Variants in ADAMTSL1 observed in about 807,000 individuals in gnomAD.
ADAMTSL1 encodes the protein ADAMTS like 1.
A neutral mutation model predicts 201.8 loss-of-function variants in ADAMTSL1; 126 were observed. The observed-to-expected ratio is 0.62, with a 90% CI of 0.54 to 0.72. The LOEUF is 0.72. Among genes scored for constraint, ADAMTSL1 ranks in the 30% least tolerant of loss-of-function variants. The probability of loss-of-function intolerance (pLI) is 0.00; values close to 1 mark genes in which losing one functional copy is unlikely to be tolerated. For missense variants in ADAMTSL1, 2,679 were observed against 2,277.8 expected, an observed-to-expected ratio of 1.18 and a Z score of -3.59; for synonymous variants, 1,121 against 903.4, an observed-to-expected ratio of 1.24 and a Z score of -4.32.
chr9:18,508,603 G>C (rs1564005676), intron 2 of ADAMTSL1, among the ~76,000 whole-genome samples: 1 of 152,140 alleles, frequency 6.6e-6, no homozygotes, highest in Non-Finnish European at 1.5e-5. Flanking sequence ...CTGGGTTACA[G>C]CCTCATGTTT....
At chr9:17,927,375 T>C (rs1826586591) in intron 1 of ADAMTSL1, among the ~76,000 whole-genome samples, 1 of 152,154 alleles carries the variant, frequency 6.6e-6, no homozygotes, top group Non-Finnish European at 1.5e-5. Flanking sequence ...TATGTGCATA[T>C]ACATGCACAC....
At chr9:18,158,510 C>T (rs529419295) in intron 1 of ADAMTSL1, among the ~76,000 whole-genome samples, 2 of 151,980 alleles carry the variant, frequency 1.3e-5, no homozygotes, top group South Asian at 4.1e-4. Flanking sequence ...TTAGAATAGT[C>T]CTACCAGGAG....
intron 2 of ADAMTSL1, among the ~76,000 whole-genome samples, chr9:18,465,537 A>G (rs752738686): frequency 6.6e-6 from 1 of 152,168 alleles, no homozygotes; most frequent in Non-Finnish European, 1.5e-5. Flanking sequence ...GAGAGAGGGT[A>G]TGCCCCTCTC....
chr9:18,398,129 G>C (rs949684708), intron 2 of ADAMTSL1, among the ~76,000 whole-genome samples: 1 of 152,080 alleles, frequency 6.6e-6, no homozygotes, highest in Non-Finnish European at 1.5e-5. Context: ...AGCCACAATA[G>C]ACTATCATCT....
intron 2 of ADAMTSL1, among the ~76,000 whole-genome samples, chr9:18,183,829 G>C (rs562195546): frequency 6.6e-6 from 1 of 152,182 alleles, no homozygotes; most frequent in African/African-American, 2.4e-5. Flanking sequence ...ATTACAGCTT[G>C]AAGATTCTTG....
intron 1 of ADAMTSL1, among the ~76,000 whole-genome samples, chr9:18,136,365 G>A (rs1250713346): frequency 6.6e-6 from 1 of 152,110 alleles, no homozygotes; most frequent in East Asian, 1.9e-4. Context: ...TAAGCAAATT[G>A]CATTTAAGCA....
At chr9:18,605,922 G>T (rs924231600) in intron 4 of ADAMTSL1, among the ~76,000 whole-genome samples, 1 of 152,194 alleles carries the variant, frequency 6.6e-6, no homozygotes, top group Admixed American at 6.5e-5. Context: ...CTACTTGTGT[G>T]AACTGTGTGT....
At chr9:18,646,849 T>A (rs573759563) in intron 7 of ADAMTSL1, among the ~76,000 whole-genome samples, 1 of 152,234 alleles carries the variant, frequency 6.6e-6, no homozygotes, top group East Asian at 1.9e-4. Context: ...TCTAAAATTC[T>A]CTTTTTTTGT....
At chr9:18,319,273 C>G (rs1834529076) in intron 2 of ADAMTSL1, among the ~76,000 whole-genome samples, 1 of 152,138 alleles carries the variant, frequency 6.6e-6, no homozygotes, top group South Asian at 2.1e-4. Context: ...CACATAATGA[C>G]AGAGCTAGAT....
intron 1 of ADAMTSL1, among the ~76,000 whole-genome samples, chr9:18,500,153 T>C (rs1822758674): frequency 6.6e-6 from 1 of 152,230 alleles, no homozygotes; most frequent in Admixed American, 6.5e-5. Context: ...CTTCATGTGA[T>C]TACTCAAATT....
chr9:18,603,320 G>C (rs568735514), intron 4 of ADAMTSL1, among the ~76,000 whole-genome samples: 1 of 151,834 alleles, frequency 6.6e-6, no homozygotes, highest in Non-Finnish European at 1.5e-5. Flanking sequence ...TTCAGATTTA[G>C]ATCCATCTGT....
At chr9:18,416,671 C>G (rs1427106502) in intron 2 of ADAMTSL1, among the ~76,000 whole-genome samples, 1 of 151,882 alleles carries the variant, frequency 6.6e-6, no homozygotes, top group Non-Finnish European at 1.5e-5. Context: ...AGAATCACAC[C>G]AGGAATAAAG....
chr9:18,427,353 T>C (rs1819270677), intron 2 of ADAMTSL1, among the ~76,000 whole-genome samples: 1 of 152,218 alleles, frequency 6.6e-6, no homozygotes, highest in Non-Finnish European at 1.5e-5. Flanking sequence ...GGATAATTCC[T>C]GTATTTTTGA....
chr9:18,120,237 A>G (rs911420458), intron 1 of ADAMTSL1, among the ~76,000 whole-genome samples: 4 of 152,202 alleles, frequency 2.6e-5, no homozygotes, highest in African/African-American at 4.8e-5. Flanking sequence ...GGGCCTCTCC[A>G]TGAGACTGCT....
intron 3 of ADAMTSL1, among the ~76,000 whole-genome samples, chr9:18,549,159 A>G (rs902906244): frequency 1.3e-5 from 2 of 152,028 alleles, no homozygotes; most frequent in African/African-American, 4.8e-5. Flanking sequence ...ACATAACCAG[A>G]CATATCATGG....
intron 2 of ADAMTSL1, among the ~76,000 whole-genome samples, chr9:18,262,853 G>T (rs1357425106): frequency 2.0e-5 from 3 of 151,988 alleles, no homozygotes; most frequent in Non-Finnish European, 2.9e-5. Context: ...TTTTGATCTG[G>T]TTGCACCAGG....
At chr9:18,341,149 A>G (rs1835449761) in intron 2 of ADAMTSL1, among the ~76,000 whole-genome samples, 1 of 152,120 alleles carries the variant, frequency 6.6e-6, no homozygotes, top group Non-Finnish European at 1.5e-5. Context: ...AGCAACTTCA[A>G]GTTGTCCTCT....
At chr9:18,018,248 T>C (rs1416390389) in intron 1 of ADAMTSL1, among the ~76,000 whole-genome samples, 1 of 152,114 alleles carries the variant, frequency 6.6e-6, no homozygotes, top group African/African-American at 2.4e-5. Flanking sequence ...CCCACTTATA[T>C]GGTACTTACC....
intron 1 of ADAMTSL1, among the ~76,000 whole-genome samples, chr9:17,987,022 G>A (rs560663284): frequency 2.0e-4 from 31 of 152,136 alleles, no homozygotes; most frequent in Non-Finnish European, 3.8e-4. Flanking sequence ...CTTGTTAGGG[G>A]AAGAGTTCCC....
Sources: allele counts gnomAD v4.1 joint callset (sites outside exome capture counted in the v4.1 genomes callset), GRCh38; gene constraint gnomAD v4.1.1; transcripts MANE v1.5; gene names NCBI Gene and HGNC (gene_info 2026-07-23, HGNC 2026-07-21).